AGAP1: variants seen among roughly 807,000 people sequenced by gnomAD.
AGAP1 encodes arf-GAP with GTPase, ANK repeat and PH domain-containing protein 1.
Under a neutral mutation model 105.3 loss-of-function variants are expected in AGAP1, and 29 were observed. The ratio of observed to expected loss-of-function variants is 0.28; its 90% CI spans 0.21 to 0.38. AGAP1 has a LOEUF of 0.38. AGAP1 is among the 10% of genes least tolerant of loss of function. The pLI, the probability that AGAP1 is intolerant of heterozygous loss-of-function variation, is 1.00. For synonymous variants in AGAP1, 509 were observed against 485.9 expected, an observed-to-expected ratio of 1.05 and a Z score of -0.63; for missense variants, 998 against 1,165.1, an observed-to-expected ratio of 0.86 and a Z score of 2.09.
intron 1 of AGAP1, among the ~76,000 whole-genome samples, chr2:235,603,284 C>T (rs1216873913): frequency 6.6e-6 from 1 of 152,184 alleles, no homozygotes. Context: ...TGAGGCCTCC[C>T]CAGCCACTTG....
chr2:235,911,642 G>T (rs1377927866), intron 11 of AGAP1, among the ~76,000 whole-genome samples: 1 of 152,220 alleles, frequency 6.6e-6, no homozygotes, highest in Non-Finnish European at 1.5e-5. Flanking sequence ...GTCGGCTGTG[G>T]CATGGGCCTT....
intron 6 of AGAP1, among the ~76,000 whole-genome samples, chr2:235,797,480 G>A (rs1957296643): frequency 6.6e-6 from 1 of 151,590 alleles, no homozygotes; most frequent in Non-Finnish European, 1.5e-5. Context: ...TCTCCAGGAA[G>A]ATCCTTAAAA....
intron 1 of AGAP1, among the ~76,000 whole-genome samples, chr2:235,679,273 T>C (rs1194817281): frequency 5.9e-5 from 9 of 152,360 alleles, no homozygotes; most frequent in East Asian, 1.9e-4. Context: ...ATCTTTGCTT[T>C]ACTTTATTTA....
At position 236,006,342 on chromosome 2, in the gene AGAP1, A is replaced by G. The variant is rs112662980; in HGVS notation, c.1646-30219A>G. ...TTCCCAAAGAGCTCTGGTTCCTTTT[A>G]CTGGAGAATGGTATTAGAAACCAGT... On this transcript the variant is annotated intron_variant, in intron 13 of 17. Transcript: ENST00000304032. Among the ~76,000 whole-genome samples, 59 of 152,176 alleles carry G rather than the reference A, an allele frequency of 3.9e-4. 1 individual carries two copies. The highest frequency in any genetic ancestry group is 1.4e-3 in the African/African-American group (57 of 41,530).
At chr2:236,091,493 G>C (rs550810564) in intron 16 of AGAP1, among the ~76,000 whole-genome samples, 1 of 152,156 alleles carries the variant, frequency 6.6e-6, no homozygotes, top group Non-Finnish European at 1.5e-5. Context: ...AACCTAGGCC[G>C]GGCGCGGTGG....
intron 6 of AGAP1, among the ~76,000 whole-genome samples, chr2:235,775,294 C>T (rs932596115): frequency 6.6e-6 from 1 of 152,114 alleles, no homozygotes; most frequent in African/African-American, 2.4e-5. Context: ...AGGTTTGCAT[C>T]GGTATAGCCT....
chr2:235,947,857 A>G (rs1047176872), intron 12 of AGAP1, among the ~76,000 whole-genome samples: 1 of 152,244 alleles, frequency 6.6e-6, no homozygotes, highest in African/African-American at 2.4e-5. Flanking sequence ...TCTACGCTGA[A>G]GTTCTCTGAG....
At chr2:235,561,041 C>G (rs536520229) in intron 1 of AGAP1, among the ~76,000 whole-genome samples, 1 of 152,118 alleles carries the variant, frequency 6.6e-6, no homozygotes, top group Non-Finnish European at 1.5e-5. Context: ...GAGTGGGTGC[C>G]GCTGCCTGGT....
intron 11 of AGAP1, among the ~76,000 whole-genome samples, chr2:235,920,499 A>T (rs2052128996): frequency 6.6e-6 from 1 of 152,034 alleles, no homozygotes; most frequent in Admixed American, 6.6e-5. Context: ...CTCTGACAAC[A>T]TTGGCATCGC....
In AGAP1 at chr2:236,120,382, G is replaced by A. The variant is rs753259917; in HGVS notation, c.2305G>A (p.Gly769Ser). The A allele has an allele frequency of 1.4e-5, 23 of 1,611,428 alleles. No individual in the cohort carries two copies. The highest frequency in any genetic ancestry group is 3.3e-5 in the Admixed American group (2 of 59,988). The change falls in exon 17 of 18, where the codon GGC becomes AGC. Residue 769 changes from glycine to serine, a missense_variant. Gly to Ser is a moderately conservative substitution (Grantham distance 56). This residue lies in a region of AGAP1 where 235 missense variants were observed against 270.7 expected (regional missense o/e 0.87). Transcript: ENST00000304032. This position sits in a 1 kb window ranked among gnomAD's most constrained non-coding sequence, Gnocchi z 6.0. ...GAACGAGACCTGCGGGGAGGGAGAC[G>A]GCCGCACGGCGCTGCATCTGGCCTG... ...EVNETCGEGD[G>S]RTALHLACRK...
chr2:235,536,739 T>A (rs1943252007), intron 1 of AGAP1, among the ~76,000 whole-genome samples: 1 of 152,098 alleles, frequency 6.6e-6, no homozygotes, highest in African/African-American at 2.4e-5. Flanking sequence ...CGTCTTTGAG[T>A]CTGTTTGGCA....
intron 1 of AGAP1, among the ~76,000 whole-genome samples, chr2:235,644,373 A>T (rs1947303485): frequency 6.6e-6 from 1 of 151,794 alleles, no homozygotes; most frequent in Non-Finnish European, 1.5e-5. Flanking sequence ...GTCTGCAGGG[A>T]CTCCTGAGAG....
Position 235,642,616 on chromosome 2 carries a change from G to T in AGAP1, c.164-66563G>T, listed in dbSNP as rs1194701551. On this transcript the variant is annotated intron_variant, in intron 1 of 17. Coordinates refer to ENST00000304032, the MANE Select transcript of AGAP1 (RefSeq NM_001037131.3). This position sits in a 1 kb window ranked among gnomAD's most constrained non-coding sequence, Gnocchi z 4.1. ...AGAGGCAGACCCACCCTGGAAGGCAGGCCAGCCTCCGCTCTCCACACCAGC... is the reference window on the plus strand; with the variant it reads ...AGAGGCAGACCCACCCTGGAAGGCATGCCAGCCTCCGCTCTCCACACCAGC... 6.6e-6 allele frequency among the ~76,000 whole-genome samples: 1 copy of T among 152,156 alleles called. No homozygotes were observed. The highest frequency in any genetic ancestry group is 1.5e-5 in the Non-Finnish European group (1 of 68,020).
chr2:235,750,576 T>A lies in AGAP1; in HGVS notation c.673+88T>A. ...TCAGTCCTGCCTGCACTTGTGCATG[T>A]GGGTGGTGGAAATATGTCGTTGATG... is the stretch of plus-strand genomic sequence containing the variant. On this transcript the variant is annotated intron_variant, in intron 6 of 17. Transcript: ENST00000304032. The surrounding 1 kb of genome is among the most constrained non-coding windows in gnomAD (Gnocchi z 5.3). 6.3e-7 allele frequency: 1 copy of A among 1,581,374 alleles called. No homozygotes were observed. The highest frequency in any genetic ancestry group is 8.7e-7 in the Non-Finnish European group (1 of 1,154,244).
At chr2:235,828,704 G>T (rs1454886540) in intron 9 of AGAP1, among the ~76,000 whole-genome samples, 1 of 152,084 alleles carries the variant, frequency 6.6e-6, no homozygotes, top group Non-Finnish European at 1.5e-5. Flanking sequence ...AGAAGCTTTC[G>T]CTCACCCAGC....
At chr2:236,116,609 A>C (rs2059777400) in intron 16 of AGAP1, among the ~76,000 whole-genome samples, 1 of 152,240 alleles carries the variant, frequency 6.6e-6, no homozygotes, top group African/African-American at 2.4e-5. Context: ...ACGGCCTCCC[A>C]AAGTGCTGAG....
rs533313261 is a variant in AGAP1, at chr2:235,870,223, C to T, written c.1051-13122C>T. On this transcript the variant is annotated intron_variant, in intron 9 of 17. Coordinates refer to ENST00000304032, the MANE Select transcript of AGAP1 (RefSeq NM_001037131.3). ...ATGGCCTTGTCGTCTACACCAGGTA[C>T]ACGTGGATGAGGTTCCTTGCATGTG... Among the ~76,000 whole-genome samples, 5 of 152,350 alleles carry T rather than the reference C, an allele frequency of 3.3e-5. No individual in the cohort carries two copies. In the East Asian group the frequency reaches 9.6e-4, roughly 29 times the overall value.
At chr2:236,071,167 T>C (rs1257826072) in intron 16 of AGAP1, among the ~76,000 whole-genome samples, 1 of 152,224 alleles carries the variant, frequency 6.6e-6, no homozygotes, top group Non-Finnish European at 1.5e-5. Flanking sequence ...TTCTTTGACA[T>C]CAGTGGCCTT....
At position 235,855,628 on chromosome 2, in the gene AGAP1, C is replaced by G. The variant is rs2106476439; in HGVS notation, c.1051-27717C>G. ...ACTTTTGATTTTGATATTATAAATA[C>G]ACAGCTACTCATCTCATTCTCTTAT... On this transcript the variant is annotated intron_variant, in intron 9 of 17. Coordinates refer to ENST00000304032, the MANE Select transcript of AGAP1 (RefSeq NM_001037131.3). The surrounding 1 kb of genome is among the most constrained non-coding windows in gnomAD (Gnocchi z 5.0). 6.6e-6 allele frequency among the ~76,000 whole-genome samples: 1 copy of G among 152,252 alleles called. No homozygotes were observed. The highest frequency in any genetic ancestry group is 1.5e-5 in the Non-Finnish European group (1 of 68,016).
Sources: gnomAD v4.1 joint callset for allele counts (sites outside exome capture counted in the v4.1 genomes callset) on GRCh38, gnomAD v4.1.1 for gene constraint, gnomAD v4.1.1 regional missense constraint, Gnocchi (gnomAD v3.1) non-coding constraint, MANE v1.5 for transcripts, NCBI Gene and HGNC (gene_info 2026-07-23, HGNC 2026-07-21) for gene names.